ZNF385C: variants seen among roughly 807,000 people sequenced by gnomAD.
ZNF385C encodes the protein zinc finger protein 385C.
ZNF385C carries 28 observed loss-of-function variants against 35.4 expected under a neutral mutation model. The observed-to-expected ratio is 0.79, with a 90% CI of 0.59 to 1.08. The LOEUF (loss-of-function observed/expected upper bound fraction) is 1.08, where lower values mean the gene tolerates loss of function less well. ZNF385C is among the 50% of genes least tolerant of loss of function. The probability of loss-of-function intolerance (pLI) is 0.00; values close to 1 mark genes in which losing one functional copy is unlikely to be tolerated. For missense variants in ZNF385C, 605 were observed against 595.6 expected (o/e 1.02, Z -0.16); for synonymous variants, 248 against 248.2 (o/e 1.00, Z 0.01).
chr17:42,064,265 T>A (rs991622182), intron 1 of ZNF385C, among the ~76,000 whole-genome samples: 5 of 152,192 alleles, frequency 3.3e-5, no homozygotes, highest in Admixed American at 6.5e-5. Context: ...GCTCAGTGAA[T>A]TTTGCCTTCT....
intron 1 of ZNF385C, among the ~76,000 whole-genome samples, chr17:42,069,879 C>G (rs1319815058): frequency 1.3e-5 from 2 of 151,940 alleles, no homozygotes; most frequent in Non-Finnish European, 2.9e-5. Flanking sequence ...CCCGTCTCTA[C>G]TAAAGATACA....
At chr17:42,093,607 G>A (rs536964420) in intron 1 of ZNF385C, among the ~76,000 whole-genome samples, 31 of 149,932 alleles carry the variant, frequency 2.1e-4, no homozygotes, top group East Asian at 3.9e-4. Context: ...TTGAGAGAGG[G>A]TCTCACTCTG....
rs1448196285 is a variant in ZNF385C, at chr17:42,034,662, T to C, written c.400-327A>G. Among the ~76,000 whole-genome samples the C allele has an allele frequency of 4.6e-5, 7 of 150,788 alleles. No individual in the cohort carries two copies. The South Asian group carries it at 6.3e-4, about 14-fold the overall frequency. ...AGCCAGGTGTGATGGCGCATGCCTG[T>C]AATCTCAGCTACTCGGGAGGCTGAG... On this transcript the variant is annotated intron_variant, in intron 3 of 8. Transcript: ENST00000692273.
chr17:42,074,470 C>A (rs2053663983), intron 1 of ZNF385C, among the ~76,000 whole-genome samples: 1 of 151,860 alleles, frequency 6.6e-6, no homozygotes, highest in Non-Finnish European at 1.5e-5. Flanking sequence ...TGGCTCACTG[C>A]AACCTCCATC....
intron 2 of ZNF385C, chr17:42,040,284 C>T (rs2052984362): frequency 8.1e-7 from 1 of 1,231,656 alleles, no homozygotes; most frequent in Non-Finnish European, 1.0e-6. Flanking sequence ...AGCCCCGGAC[C>T]GCAGCCTCGG....
intron 7 of ZNF385C, 149 bp from the exon 8 acceptor site, chr17:42,027,877 G>T: frequency 8.4e-7 from 1 of 1,187,704 alleles, no homozygotes; most frequent in Non-Finnish European, 1.2e-6. Context: ...GCCCTGGGAA[G>T]GGGAGGTGAG....
chr17:42,097,704 G>A (rs981645197), intron 1 of ZNF385C, among the ~76,000 whole-genome samples: 2 of 151,992 alleles, frequency 1.3e-5, no homozygotes, highest in Admixed American at 6.6e-5. Flanking sequence ...TGGGAGGCAG[G>A]ACCCCTTTCC....
intron 1 of ZNF385C, among the ~76,000 whole-genome samples, chr17:42,076,517 G>A (rs2053687250): frequency 6.6e-6 from 1 of 152,190 alleles, no homozygotes; most frequent in Admixed American, 6.5e-5. Context: ...AGCTACTCAG[G>A]AGGCTGAGGC....
chr17:42,040,676 G>T, intron 2 of ZNF385C: 1 of 1,232,272 alleles, frequency 8.1e-7, no homozygotes, highest in Non-Finnish European at 1.0e-6. Context: ...GAGGCCCAGG[G>T]CACTGGCCGA....
rs1271769210 is a variant in ZNF385C, at chr17:42,095,182, T to C, written c.-3+3228A>G. On this transcript the variant is annotated intron_variant, in intron 1 of 8. Coordinates refer to ENST00000692273, the MANE Select transcript of ZNF385C (RefSeq NM_001392013.1). This position sits in a 1 kb window ranked among gnomAD's most constrained non-coding sequence, Gnocchi z 4.4. ...CCTCAAATAGCCCAATCAGAAACAA[T>C]GAGTGAGCAGAGACAGCCACAATAA... Among the ~76,000 whole-genome samples, 1 of 152,020 alleles carries C rather than the reference T, an allele frequency of 6.6e-6. No individual in the cohort carries two copies. Among genetic ancestry groups the C allele is most frequent in the East Asian group, 1.9e-4 (1 of 5,188 alleles).
intron 2 of ZNF385C, among the ~76,000 whole-genome samples, chr17:42,045,369 T>G (rs1290356656): frequency 6.6e-6 from 1 of 152,260 alleles, no homozygotes; most frequent in Non-Finnish European, 1.5e-5. Context: ...ACCTTTTAAT[T>G]ATCTCTCCAA....
intron 1 of ZNF385C, among the ~76,000 whole-genome samples, chr17:42,084,935 G>A (rs1296568064): frequency 5.3e-5 from 8 of 151,686 alleles, no homozygotes; most frequent in African/African-American, 1.7e-4. Context: ...TTTTAATTAT[G>A]TTCAATATTT....
At chr17:42,096,151 T>G (rs1216536390) in intron 1 of ZNF385C, among the ~76,000 whole-genome samples, 1 of 152,130 alleles carries the variant, frequency 6.6e-6, no homozygotes, top group East Asian at 1.9e-4. Context: ...TGTGCATGTA[T>G]AAGGACACCC....
intron 8 of ZNF385C, 59 bp downstream of exon 8, chr17:42,027,554 GCCCTC>G: frequency 1.8e-6 from 1 of 556,882 alleles, no homozygotes; most frequent in Non-Finnish European, 3.3e-6. Context: ...CCCCCATCTG[GCCCTC>G]CCAGCCCACC....
At chr17:42,057,499 C>CGTGTGTGTGTGTGTGTGTGT (rs202100946) in intron 2 of ZNF385C, among the ~76,000 whole-genome samples, 2 of 131,656 alleles carry the variant, frequency 1.5e-5, no homozygotes, top group Admixed American at 7.2e-5. Flanking sequence ...TAGGGGTGTG[C>CGTGTGTGTGTGTGTGTGTGT]GCGCGCGCGC....
In ZNF385C at chr17:42,029,124, G is replaced by A. The variant is rs144595241; in HGVS notation, c.677-51C>T. 3.9e-4 allele frequency: 595 copies of A among 1,513,218 alleles called. 4 individuals are homozygous for A. Among genetic ancestry groups the A allele is most frequent in the African/African-American group, 4.1e-5 (3 of 72,694 alleles). 93.7% of individuals were successfully genotyped at this position (1,513,218 alleles called of 1,614,324 possible). On this transcript the variant is annotated intron_variant, in intron 5 of 8. Coordinates refer to ENST00000692273, the MANE Select transcript of ZNF385C (RefSeq NM_001392013.1). The stretch of plus-strand genomic sequence containing the variant: ...GACCCAAGATGACGCTGCAGACCAC[G>A]ATCTTCAGCTCTGACCATGGAGGTG...
At chr17:42,027,926 G>A in intron 7 of ZNF385C, 124 bp downstream of exon 7, 1 of 1,332,108 alleles carries the variant, frequency 7.5e-7, no homozygotes, top group Non-Finnish European at 1.0e-6. Flanking sequence ...TGGCCTGCTG[G>A]CCTCGCTTCT....
At chr17:42,040,447 T>G in intron 2 of ZNF385C, 1 of 1,232,136 alleles carries the variant, frequency 8.1e-7, no homozygotes, top group Non-Finnish European at 1.0e-6. Context: ...CACCAGAGGC[T>G]GCAGCAAGGC....
Position 42,040,209 on chromosome 17 carries a change from C to G in ZNF385C, c.251-2324G>C, listed in dbSNP as rs2052981321. On this transcript the variant is annotated intron_variant, in intron 2 of 8. Transcript: ENST00000692273. ...AGGCGGCCACGGCGTCCAGCGAAGG[C>G]CCGGGGTAGGAGTCCTGTAGGCCCT... 7.3e-6 allele frequency: 9 copies of G among 1,231,604 alleles called. No homozygotes were observed. The South Asian group carries it at 2.1e-4, about 28-fold the overall frequency. 76.3% of individuals were successfully genotyped at this position (1,231,604 alleles called of 1,614,324 possible).
Sources: gnomAD v4.1 joint callset for allele counts (sites outside exome capture counted in the v4.1 genomes callset) on GRCh38, gnomAD v4.1.1 for gene constraint, Gnocchi (gnomAD v3.1) non-coding constraint, MANE v1.5 for transcripts, NCBI Gene and HGNC (gene_info 2026-07-23, HGNC 2026-07-21) for gene names.